The following ADAMTS7 variants were observed in gnomAD, a reference collection of about 807,000 sequenced individuals.
The protein encoded by ADAMTS7 is ADAM metallopeptidase with thrombospondin type 1 motif 7.
In ADAMTS7, 89 loss-of-function variants were observed where a neutral mutation model predicts 172.6. The ratio of observed to expected loss-of-function variants is 0.52; its 90% CI spans 0.43 to 0.61. The LOEUF is 0.61. ADAMTS7 is among the 20% of genes least tolerant of loss of function. The pLI is 0.00. For missense variants in ADAMTS7, 1,973 were observed against 2,355.6 expected (o/e 0.84, Z 3.36); for synonymous variants, 885 against 978.4 (o/e 0.90, Z 1.78).
At chr15:78,785,556 A>T (rs1003149961) in intron 8 of ADAMTS7, among the ~76,000 whole-genome samples, 3 of 152,008 alleles carry the variant, frequency 2.0e-5, no homozygotes, top group African/African-American at 7.2e-5. Flanking sequence ...CAAAAAAAAA[A>T]AAAAAAAGAA....
chr15:78,789,921 C>T lies in ADAMTS7; in HGVS notation c.1029-83G>A, dbSNP rs555714404. 1.3e-5 allele frequency: 19 copies of T among 1,487,494 alleles called. No individual in the cohort carries two copies. The African/African-American group carries it at 2.1e-4, about 16-fold the overall frequency. 92.1% of individuals were successfully genotyped at this position (1,487,494 alleles called of 1,614,324 possible). A position where few individuals can be genotyped will look rare whatever the true frequency, so the allele number is the denominator to read the frequency against. ...AGCTAAGGCCAGGGAAGGGTCCCCC[C>T]GAATTGATCCCAAGCGAAAAGGATG... On this transcript the variant is annotated intron_variant, in intron 6 of 23. Coordinates refer to ENST00000388820, the MANE Select transcript of ADAMTS7 (RefSeq NM_014272.5).
At chr15:78,787,285 A>G (rs1303788859) in intron 8 of ADAMTS7, among the ~76,000 whole-genome samples, 2 of 151,600 alleles carry the variant, frequency 1.3e-5, no homozygotes, top group African/African-American at 4.8e-5. Context: ...TGAATGGTAC[A>G]ATTTATGCCA....
At chr15:78,801,099 G>T (rs1292327327) in intron 1 of ADAMTS7, among the ~76,000 whole-genome samples, 1 of 152,054 alleles carries the variant, frequency 6.6e-6, no homozygotes, top group Non-Finnish European at 1.5e-5. Context: ...CCTACCCCAG[G>T]TGCCCCTCCC....
At chr15:78,783,654 G>T (rs1007689868) in intron 8 of ADAMTS7, among the ~76,000 whole-genome samples, 1 of 152,130 alleles carries the variant, frequency 6.6e-6, no homozygotes, top group Admixed American at 6.5e-5. Flanking sequence ...GGGAACAGAA[G>T]AAAAAAGTCA....
chr15:78,764,236 C>T, intron 20 of ADAMTS7, 137 bp from the exon 21 acceptor site: 1 of 1,286,692 alleles, frequency 7.8e-7, no homozygotes, highest in Non-Finnish European at 1.0e-6. Flanking sequence ...CAGCGAGAGG[C>T]CAAGGCTGGC....
rs2063238401 is a variant in ADAMTS7, at chr15:78,766,416, C to T, written c.3495G>A (p.Gly1165=). ...NFLPEEDTPI[G]APDLGLPSLS... The stretch of plus-strand genomic sequence containing the variant: ...GGCTGGGGAGCCCAAGATCTGGGGC[C>T]CCTATGGGGGTGTCTTCCTCAGGCA... The change falls in exon 19 of 24, where the codon GGG becomes GGA. Residue 1165 remains glycine (G), a synonymous_variant. Coordinates refer to ENST00000388820, the MANE Select transcript of ADAMTS7 (RefSeq NM_014272.5). The T allele has an allele frequency of 6.3e-7, 1 of 1,598,720 alleles. No individual in the cohort carries two copies. Among genetic ancestry groups the T allele is most frequent in the Non-Finnish European group, 8.5e-7 (1 of 1,174,574 alleles).
At chr15:78,793,068 A>G (rs1292971513) in intron 4 of ADAMTS7, among the ~76,000 whole-genome samples, 12 of 152,188 alleles carry the variant, frequency 7.9e-5, no homozygotes, top group African/African-American at 2.2e-4. Flanking sequence ...GCCAACCTCA[A>G]TCGAGCTTAA....
rs767123911 is a variant in ADAMTS7 at position 78,767,470 on chromosome 15, G to A, written c.2768C>T (p.Ala923Val). Residue 923 changes from alanine to valine, a missense_variant, in exon 18 of 24, where the codon GCC becomes GTC. Physicochemically the swap from Ala to Val is moderately conservative, Grantham distance 64. Coordinates refer to ENST00000388820, the MANE Select transcript of ADAMTS7 (RefSeq NM_014272.5). Reference protein sequence around the residue: ...LDEQSALEPPACEHLPRPPTE... With the variant: ...LDEQSALEPPVCEHLPRPPTE... ...AGGGGGCCGGGGAAGGTGTTCACAG[G>A]CGGGTGGCTCCAGGGCGCTCTGCTC... 6.2e-6 allele frequency: 10 copies of A among 1,611,552 alleles called. No individual in the cohort carries two copies. In the South Asian group the frequency reaches 1.1e-4, roughly 18 times the overall value.
rs1567203829 is a variant in ADAMTS7, at chr15:78,765,678, C to G, written c.4233G>C (p.Arg1411Ser). The G allele has an allele frequency of 1.9e-6, 3 of 1,610,382 alleles. No individual in the cohort carries two copies. The East Asian group carries it at 6.7e-5, about 36-fold the overall frequency. The change falls in exon 19 of 24, where the codon AGG (arginine) becomes AGC (serine). Residue 1411 changes from arginine to serine, a missense_variant. This residue lies in a region of ADAMTS7 where 771 missense variants were observed against 952.6 expected (regional missense o/e 0.81). Transcript: ENST00000388820. ...AGPPADPLVV[R>S]NAGWQAGNWS... ...AGTTTCCCGCTTGCCAGCCGGCGTT[C>G]CTGACAACCAACGGGTCCGCGGGGG...
chr15:78,764,267 C>A (rs1468969704), intron 20 of ADAMTS7, among the ~76,000 whole-genome samples, 168 bp from the exon 21 acceptor site: 1 of 152,218 alleles, frequency 6.6e-6, no homozygotes, highest in Non-Finnish European at 1.5e-5. Flanking sequence ...CAAAAGGTGG[C>A]ATGGCCAGGG....
chr15:78,784,968 TA>T (rs78550763), intron 8 of ADAMTS7, among the ~76,000 whole-genome samples: 392 of 129,442 alleles, frequency 3.0e-3, no homozygotes, highest in East Asian at 4.1e-3. Context: ...CAAAACAAAT[TA>T]AAAAAAAAAA....
intron 2 of ADAMTS7, among the ~76,000 whole-genome samples, chr15:78,799,594 G>A (rs1044434182): frequency 1.3e-5 from 2 of 148,562 alleles, no homozygotes; most frequent in African/African-American, 4.9e-5. Flanking sequence ...GACCTGTGAA[G>A]GAACAGTCAT....
In ADAMTS7 at chr15:78,764,683, C is replaced by A. The variant is rs1160527587; in HGVS notation, c.4291G>T (p.Ala1431Ser). Residue 1431 changes from alanine (A) to serine (S), a missense_variant, in exon 20 of 24, where the codon GCG becomes TCG. This residue lies in a region of ADAMTS7 where 218 missense variants were observed against 216.9 expected (regional missense o/e 1.01). Coordinates refer to ENST00000388820, the MANE Select transcript of ADAMTS7 (RefSeq NM_014272.5). ...CTACAGCGCACCGGCCTCCAGACCG[C>A]ACCCAGGCCACAGGTGGTAGAGCAC... is the stretch of plus-strand genomic sequence containing the variant. ...SECSTTCGLG[A>S]VWRPVRCSSG... is the part of the protein sequence containing the mutation. 4.5e-6 allele frequency: 7 copies of A among 1,556,382 alleles called. No homozygotes were observed. Among genetic ancestry groups the A allele is most frequent in the Admixed American group, 1.9e-5 (1 of 53,696 alleles).
chr15:78,768,121 G>GGGGGGGGGGTT lies in ADAMTS7; in HGVS notation c.2645+11_2645+12insAACCCCCCCCC, dbSNP rs1428463843. The GGGGGGGGGGTT allele has an allele frequency of 6.5e-7, 1 of 1,546,650 alleles. No homozygotes were observed. Among genetic ancestry groups the GGGGGGGGGGTT allele is most frequent in the African/African-American group, 1.4e-5 (1 of 72,586 alleles). ...GGGGTGGGGAGTTGGCGGGGGATGGGGGCGGGCTCACCTGGCAGGGCAGGG... is the reference window on the plus strand; with the variant it reads ...GGGGTGGGGAGTTGGCGGGGGATGGGGGGGGGGGGTTGGCGGGCTCACCTGGCAGGGCAGGG... On this transcript the variant is annotated intron_variant, in intron 17 of 23. Transcript: ENST00000388820.
intron 8 of ADAMTS7, among the ~76,000 whole-genome samples, chr15:78,783,247 A>T (rs1325180966): frequency 1.3e-5 from 2 of 152,158 alleles, no homozygotes; most frequent in Non-Finnish European, 2.9e-5. Context: ...TCCTTGCTAT[A>T]TATGAAATAC....
intron 11 of ADAMTS7, among the ~76,000 whole-genome samples, chr15:78,775,341 G>T (rs2055325447): frequency 6.6e-6 from 1 of 152,158 alleles, no homozygotes; most frequent in African/African-American, 2.4e-5. Context: ...TCTAGGCCAG[G>T]GTCGCTGGCC....
At chr15:78,775,089 AGT>A (rs1232823093) in intron 11 of ADAMTS7, among the ~76,000 whole-genome samples, 1 of 152,134 alleles carries the variant, frequency 6.6e-6, no homozygotes, top group East Asian at 1.9e-4. Context: ...TCATGTATAA[AGT>A]GGGGTTGGGG....
chr15:78,768,570 C>T (rs1188279863), intron 16 of ADAMTS7, among the ~76,000 whole-genome samples: 1 of 149,276 alleles, frequency 6.7e-6, no homozygotes, highest in African/African-American at 2.6e-5. Context: ...CATTTGGCCT[C>T]TCTGAACCTC....
chr15:78,775,488 G>A (rs1208691990), intron 11 of ADAMTS7, among the ~76,000 whole-genome samples: 2 of 151,832 alleles, frequency 1.3e-5, no homozygotes, highest in African/African-American at 4.8e-5. Flanking sequence ...AGATCAGCCG[G>A]GTAGTGCCTC....
Sources: allele counts gnomAD v4.1 joint callset (sites outside exome capture counted in the v4.1 genomes callset), GRCh38; gene constraint gnomAD v4.1.1; regional missense constraint gnomAD v4.1.1; transcripts MANE v1.5; gene names NCBI Gene and HGNC (gene_info 2026-07-23, HGNC 2026-07-21).